Variants in TBXAS1 observed in about 807,000 individuals in gnomAD.
TBXAS1 encodes thromboxane A synthase 1.
Under a neutral mutation model 60.7 loss-of-function variants are expected in TBXAS1, and 48 were observed. The observed-to-expected ratio is 0.79, with a 90% CI of 0.63 to 1.01. TBXAS1 has a LOEUF of 1.01. Among genes scored for constraint, TBXAS1 ranks in the 50% least tolerant of loss-of-function variants. The pLI, the probability that TBXAS1 is intolerant of heterozygous loss-of-function variation, is 0.00. For missense variants in TBXAS1, 685 were observed against 686.3 expected, an observed-to-expected ratio of 1.00 and a Z score of 0.02; for synonymous variants, 287 against 269.7, an observed-to-expected ratio of 1.06 and a Z score of -0.63.
intron 1 of TBXAS1, among the ~76,000 whole-genome samples, chr7:139,834,734 T>A (rs552891823): frequency 6.6e-6 from 1 of 152,230 alleles, no homozygotes; most frequent in African/African-American, 2.4e-5. Context: ...GATGGATAAA[T>A]TCCTGGAAAA....
At chr7:140,010,511 A>G (rs115118689) in intron 10 of TBXAS1, among the ~76,000 whole-genome samples, 274 of 152,270 alleles carry the variant, frequency 1.8e-3, no homozygotes, top group African/African-American at 6.3e-3. Flanking sequence ...TCCAGCTTCC[A>G]GGGGGTCTGC....
chr7:140,008,937 A>AG (rs1345643790), intron 10 of TBXAS1, among the ~76,000 whole-genome samples: 2 of 152,236 alleles, frequency 1.3e-5, no homozygotes, highest in African/African-American at 4.8e-5. Flanking sequence ...CTTGGTGACC[A>AG]GGGCTCCTGG....
chr7:139,917,623 C>T (rs1435741020), intron 4 of TBXAS1, among the ~76,000 whole-genome samples: 1 of 152,202 alleles, frequency 6.6e-6, no homozygotes, highest in Non-Finnish European at 1.5e-5. Context: ...AACATGGTAG[C>T]TAAGTTTTAA....
chr7:139,956,727 C>T (rs1454175189), intron 7 of TBXAS1, among the ~76,000 whole-genome samples: 2 of 152,264 alleles, frequency 1.3e-5, no homozygotes, highest in East Asian at 1.9e-4. Flanking sequence ...CCCTTTCCAC[C>T]GATCTTGGAG....
intron 1 of TBXAS1, among the ~76,000 whole-genome samples, chr7:139,865,809 AAGGAAGGGAGGG>A (rs1223591928): frequency 1.0e-5 from 1 of 96,514 alleles, no homozygotes; most frequent in African/African-American, 4.4e-5. Flanking sequence ...GGAAAGAAGG[AAGGAAGGGAGGG>A]AGGGAGGGAG....
intron 9 of TBXAS1, chr7:139,962,493 C>T (rs1367074447): frequency 7.1e-6 from 3 of 422,310 alleles, no homozygotes; most frequent in African/African-American, 2.0e-5. Context: ...AGGCCTGGCT[C>T]GAGGAAGCTG....
chr7:139,991,758 G>A (rs1406408369), intron 9 of TBXAS1, among the ~76,000 whole-genome samples: 10 of 152,192 alleles, frequency 6.6e-5, no homozygotes, highest in Admixed American at 6.5e-5. Context: ...CACATTAGAA[G>A]AGCAGCCCCA....
intron 3 of TBXAS1, among the ~76,000 whole-genome samples, chr7:139,903,863 G>C (rs993093081): frequency 2.6e-5 from 4 of 151,872 alleles, no homozygotes; most frequent in African/African-American, 9.7e-5. Flanking sequence ...TCCTTTGTCA[G>C]ATATATAGAT....
intron 10 of TBXAS1, among the ~76,000 whole-genome samples, chr7:140,009,855 G>A (rs1401460273): frequency 2.2e-5 from 1 of 44,800 alleles, no homozygotes. Context: ...CCCCACAGCC[G>A]CCCCACACCT....
rs1033590784 is a variant in TBXAS1, at chr7:139,937,103, C to G, written c.450+796C>G. Among the ~76,000 whole-genome samples, 4 of 152,174 alleles carry G rather than the reference C, an allele frequency of 2.6e-5. No homozygotes were observed. In the South Asian group the frequency reaches 8.3e-4, roughly 32 times the overall value. ...GTTTTGTATCTAAGCCTGACAGCCC[C>G]CTCAATTGCTGGTCTGGCTTTGGTG... is the stretch of plus-strand genomic sequence containing the variant. On this transcript the variant is annotated intron_variant, in intron 5 of 12. Transcript: ENST00000448866.
chr7:139,921,270 C>T (rs2117103574), intron 4 of TBXAS1, among the ~76,000 whole-genome samples: 1 of 152,304 alleles, frequency 6.6e-6, no homozygotes, highest in South Asian at 2.1e-4. Flanking sequence ...GAAACCACTC[C>T]TCTGACATCA....
intron 3 of TBXAS1, among the ~76,000 whole-genome samples, chr7:139,883,094 C>T (rs1569507240): frequency 6.6e-6 from 1 of 152,118 alleles, no homozygotes; most frequent in Non-Finnish European, 1.5e-5. Flanking sequence ...CACAGGACAA[C>T]TATCACCAAG....
chr7:140,015,687 T>C, intron 10 of TBXAS1, 36 bp from the exon 11 acceptor site: 2 of 1,611,014 alleles, frequency 1.2e-6, no homozygotes, highest in Non-Finnish European at 8.5e-7. Flanking sequence ...CCTCATCTCT[T>C]CTCTGTATCC....
chr7:139,876,972 A>G (rs371472199), intron 3 of TBXAS1, among the ~76,000 whole-genome samples: 73 of 152,272 alleles, frequency 4.8e-4, no homozygotes, highest in African/African-American at 1.6e-3. Context: ...CTCGGCTGGC[A>G]GGTTCTCATG....
In TBXAS1 at chr7:139,976,599, G is replaced by A. The variant is rs576235492; in HGVS notation, c.1134+14366G>A. On this transcript the variant is annotated intron_variant, in intron 9 of 12. Coordinates refer to ENST00000448866, the MANE Select transcript of TBXAS1 (RefSeq NM_001061.7). ...GTGCATGCCACCGGTCAGACCAAAG[G>A]CCACACGCCAATCAAGGCCCAAGAT... Among the ~76,000 whole-genome samples the A allele has an allele frequency of 1.6e-3, 251 of 152,296 alleles. 1 individual carries two copies. Among genetic ancestry groups the A allele is most frequent in the South Asian group, 5.8e-3 (28 of 4,824 alleles).
intron 1 of TBXAS1, among the ~76,000 whole-genome samples, chr7:139,850,119 T>C (rs1234974208): frequency 2.6e-5 from 4 of 152,226 alleles, no homozygotes; most frequent in African/African-American, 9.6e-5. Context: ...ACATCGTGAA[T>C]TTAACTTGAG....
intron 1 of TBXAS1, among the ~76,000 whole-genome samples, chr7:139,838,434 TCACAGTTC>T (rs763340568): frequency 3.3e-5 from 5 of 152,222 alleles, no homozygotes; most frequent in Non-Finnish European, 7.3e-5. Flanking sequence ...CTCTTGGCCT[TCACAGTTC>T]CATACAGATC....
At chr7:139,829,537 T>C in intron 1 of TBXAS1, 58 bp downstream of exon 1, 1 of 1,524,814 alleles carries the variant, frequency 6.6e-7, no homozygotes, top group South Asian at 1.2e-5. Flanking sequence ...CCTGGAGCCT[T>C]GCTGGTGCCA....
rs16882249 is a variant in TBXAS1 at position 139,933,302 on chromosome 7, C to T, written c.334-2889C>T. On this transcript the variant is annotated intron_variant, in intron 4 of 12. Coordinates refer to ENST00000448866, the MANE Select transcript of TBXAS1 (RefSeq NM_001061.7). The stretch of plus-strand genomic sequence containing the variant: ...CACCCTTAAGTCTTAAGGATAGGTA[C>T]GAGATCCAATCAGCCTTCACTCTTA... Among the ~76,000 whole-genome samples the T allele has an allele frequency of 1.8e-3, 276 of 152,184 alleles. 1 individual carries two copies. The highest frequency in any genetic ancestry group is 3.3e-3 in the Non-Finnish European group (227 of 68,014).
Sources: allele counts gnomAD v4.1 joint callset (sites outside exome capture counted in the v4.1 genomes callset), GRCh38; gene constraint gnomAD v4.1.1; transcripts MANE v1.5; gene names NCBI Gene and HGNC (gene_info 2026-07-23, HGNC 2026-07-21).